RPTOR: variants seen among roughly 807,000 people sequenced by gnomAD.
RPTOR encodes regulatory-associated protein of mTOR.
RPTOR carries 21 observed loss-of-function variants against 169.9 expected under a neutral mutation model. The ratio of observed to expected loss-of-function variants is 0.12; its 90% CI spans 0.09 to 0.18. The LOEUF (loss-of-function observed/expected upper bound fraction) is 0.18, where lower values mean the gene tolerates loss of function less well. Among genes scored for constraint, RPTOR ranks in the 10% least tolerant of loss-of-function variants. RPTOR has a pLI of 1.00. For missense variants in RPTOR, 1,133 were observed against 1,855.9 expected, an observed-to-expected ratio of 0.61 and a Z score of 7.16; for synonymous variants, 732 against 753.2, an observed-to-expected ratio of 0.97 and a Z score of 0.46.
Position 80,567,387 on chromosome 17 carries a change from A to G in RPTOR, c.162+21596A>G, listed in dbSNP as rs138986725. 2.5e-3 allele frequency among the ~76,000 whole-genome samples: 377 copies of G among 152,186 alleles called. 3 individuals carry two copies. Among genetic ancestry groups the G allele is most frequent in the African/African-American group, 8.5e-3 (355 of 41,524 alleles). On this transcript the variant is annotated intron_variant, in intron 1 of 33. Coordinates refer to ENST00000306801, the MANE Select transcript of RPTOR (RefSeq NM_020761.3). ...ATGATATTATGCCACTTCACATGTA[A>G]TATAAGAACCTTATAGAAGAAGGGT... is the stretch of plus-strand genomic sequence containing the variant.
intron 20 of RPTOR, among the ~76,000 whole-genome samples, chr17:80,900,983 G>A (rs1034144610): frequency 6.6e-6 from 1 of 152,202 alleles, no homozygotes; most frequent in African/African-American, 2.4e-5. Flanking sequence ...TTCTGCTGGC[G>A]AAGGCTACAG....
intron 5 of RPTOR, among the ~76,000 whole-genome samples, chr17:80,753,127 A>G (rs1272998663): frequency 2.0e-5 from 3 of 152,228 alleles, no homozygotes; most frequent in Non-Finnish European, 4.4e-5. Flanking sequence ...AATCCGATGA[A>G]GATGGGAGGA....
At chr17:80,953,626 G>A (rs1009776935) in intron 28 of RPTOR, among the ~76,000 whole-genome samples, 5 of 152,250 alleles carry the variant, frequency 3.3e-5, no homozygotes, top group African/African-American at 1.2e-4. Context: ...AACCCTGGGC[G>A]GTGTCCTCCT....
At chr17:80,753,558 G>A (rs1233094180) in intron 5 of RPTOR, among the ~76,000 whole-genome samples, 11 of 150,652 alleles carry the variant, frequency 7.3e-5, no homozygotes, top group Admixed American at 1.3e-4. Context: ...GCGTGAACCC[G>A]GGAGGCGGAG....
intron 28 of RPTOR, among the ~76,000 whole-genome samples, chr17:80,955,924 T>C (rs1161992606): frequency 6.6e-6 from 1 of 151,976 alleles, no homozygotes; most frequent in African/African-American, 2.4e-5. Context: ...AATGACGGGG[T>C]TAGTTGTACA....
rs865817802 is a variant in RPTOR at position 80,665,331 on chromosome 17, C to T, written c.348+21521C>T. Among the ~76,000 whole-genome samples the T allele has an allele frequency of 4.4e-4, 46 of 104,192 alleles. 2 individuals are homozygous for T. Among genetic ancestry groups the T allele is most frequent in the Admixed American group, 1.9e-3 (21 of 11,222 alleles). 68.4% of individuals were successfully genotyped at this position (104,192 alleles called of 152,430 possible). A position where few individuals can be genotyped will look rare whatever the true frequency, so the allele number is the denominator to read the frequency against. Reference sequence around the variant, plus strand: ...TGAGAAAATTTTTTTCTTTTCTTTTCCCTTTCCTTTCCTTTCCTTTCCTTT... The same window carrying T: ...TGAGAAAATTTTTTTCTTTTCTTTTTCCTTTCCTTTCCTTTCCTTTCCTTT... On this transcript the variant is annotated intron_variant, in intron 3 of 33. Transcript: ENST00000306801.
At chr17:80,598,678 T>C (rs1339273238) in intron 1 of RPTOR, among the ~76,000 whole-genome samples, 2 of 152,202 alleles carry the variant, frequency 1.3e-5, no homozygotes, top group Non-Finnish European at 2.9e-5. Flanking sequence ...GTGATCCTGC[T>C]GACAAACTGG....
At chr17:80,765,137 C>G (rs1453239670) in intron 6 of RPTOR, among the ~76,000 whole-genome samples, 1 of 149,096 alleles carries the variant, frequency 6.7e-6, no homozygotes, top group African/African-American at 2.4e-5. Context: ...ATACAGGCAG[C>G]CCTACGCTGT....
intron 1 of RPTOR, among the ~76,000 whole-genome samples, chr17:80,616,702 C>G (rs1249764830): frequency 6.6e-6 from 1 of 152,108 alleles, no homozygotes; most frequent in Admixed American, 6.5e-5. Flanking sequence ...ATGGGAGGAT[C>G]CGTTTGAGCC....
chr17:80,832,522 T>G (rs2067517085), intron 9 of RPTOR, among the ~76,000 whole-genome samples: 2 of 152,118 alleles, frequency 1.3e-5, no homozygotes, highest in African/African-American at 4.8e-5. Context: ...TGCTGTTCCT[T>G]AACAAGGGCA....
At chr17:80,873,192 C>T (rs2068070398) in intron 13 of RPTOR, among the ~76,000 whole-genome samples, 1 of 152,300 alleles carries the variant, frequency 6.6e-6, no homozygotes, top group Non-Finnish European at 1.5e-5. Flanking sequence ...GCCAGAAATG[C>T]CCGGGGCTCT....
chr17:80,831,833 G>GTCACTGTGTA (rs2067508261), intron 9 of RPTOR, among the ~76,000 whole-genome samples: 2 of 92,194 alleles, frequency 2.2e-5, no homozygotes, highest in South Asian at 8.6e-4. Flanking sequence ...ATCCCTGTGT[G>GTCACTGTGTA]TCACTGTGTA....
chr17:80,650,513 G>A (rs1186687075), intron 3 of RPTOR, among the ~76,000 whole-genome samples: 1 of 152,210 alleles, frequency 6.6e-6, no homozygotes, highest in African/African-American at 2.4e-5. Context: ...TGAGGGGTGG[G>A]GTGGGGAGAG....
rs778029446 is a variant in RPTOR, at chr17:80,855,487, G to T, written c.1338G>T (p.Arg446=). 1 of 1,614,010 alleles carries T rather than the reference G, an allele frequency of 6.2e-7. No homozygotes were observed. Among genetic ancestry groups the T allele is most frequent in the Non-Finnish European group, 8.5e-7 (1 of 1,179,848 alleles). ...AGGTGCTGTTAAGCCAAGTGCACCG[G>T]CTGAGAGCATTGGACTTGCTTGGAA... is the stretch of plus-strand genomic sequence containing the variant. ...VLQVLLSQVH[R]LRALDLLGRF... Residue 446 remains arginine, a synonymous_variant, in exon 12 of 34, where the codon CGG becomes CGT. Coordinates refer to ENST00000306801, the MANE Select transcript of RPTOR (RefSeq NM_020761.3).
intron 1 of RPTOR, among the ~76,000 whole-genome samples, chr17:80,618,540 G>A (rs1175553862): frequency 1.3e-5 from 2 of 152,204 alleles, no homozygotes; most frequent in Admixed American, 6.5e-5. Flanking sequence ...GAAGGTCGCC[G>A]TGGGCGAGGC....
At chr17:80,683,026 C>T (rs1473330831) in intron 3 of RPTOR, among the ~76,000 whole-genome samples, 1 of 152,182 alleles carries the variant, frequency 6.6e-6, no homozygotes, top group African/African-American at 2.4e-5. Flanking sequence ...GTCTTGAGCT[C>T]CTGGGAACCA....
intron 13 of RPTOR, among the ~76,000 whole-genome samples, chr17:80,866,286 A>T (rs1296553977): frequency 6.6e-6 from 1 of 152,066 alleles, no homozygotes; most frequent in Non-Finnish European, 1.5e-5. Flanking sequence ...GTATACGTGG[A>T]CCCAGCTCTG....
At chr17:80,854,507 A>T (rs189745832) in intron 11 of RPTOR, among the ~76,000 whole-genome samples, 9 of 152,288 alleles carry the variant, frequency 5.9e-5, no homozygotes, top group Admixed American at 5.9e-4. Context: ...CTCCGACCTT[A>T]CCTTTTTAAT....
Position 80,823,362 on chromosome 17 carries a change from A to C in RPTOR, c.1136+139A>C. On this transcript the variant is annotated intron_variant, in intron 9 of 33. Coordinates refer to ENST00000306801, the MANE Select transcript of RPTOR (RefSeq NM_020761.3). This position sits in a 1 kb window ranked among gnomAD's most constrained non-coding sequence, Gnocchi z 4.5. Reference sequence around the variant, plus strand: ...CGTGTAGCATTAACAAGTGAAGCTAAATGCAGGGCTCCCAGAGATCTCCAC... The same window carrying C: ...CGTGTAGCATTAACAAGTGAAGCTACATGCAGGGCTCCCAGAGATCTCCAC... The C allele has an allele frequency of 1.2e-5, 11 of 884,782 alleles. No individual in the cohort carries two copies. The highest frequency in any genetic ancestry group is 3.1e-5 in the East Asian group (1 of 32,648). 54.8% of individuals were successfully genotyped at this position (884,782 alleles called of 1,614,324 possible).
Sources: gnomAD v4.1 joint callset for allele counts (sites outside exome capture counted in the v4.1 genomes callset) on GRCh38, gnomAD v4.1.1 for gene constraint, Gnocchi (gnomAD v3.1) non-coding constraint, MANE v1.5 for transcripts, NCBI Gene and HGNC (gene_info 2026-07-23, HGNC 2026-07-21) for gene names.